The following BCAS3 variants were observed in gnomAD, a reference collection of about 807,000 sequenced individuals.
BCAS3 encodes the protein BCAS4/BCAS3 fusion.
BCAS3 carries 53 observed loss-of-function variants against 116.1 expected under a neutral mutation model. The observed-to-expected ratio is 0.46, with a 90% CI of 0.37 to 0.57. BCAS3 has a LOEUF of 0.57. Ranked by LOEUF, BCAS3 falls within the 20% of genes least tolerant of loss-of-function variation. The pLI is 0.00. For synonymous variants in BCAS3, 391 were observed against 408.2 expected (o/e 0.96, Z 0.51); for missense variants, 917 against 1,165.4 (o/e 0.79, Z 3.10).
intron 14 of BCAS3, among the ~76,000 whole-genome samples, chr17:60,971,496 G>A (rs113630673): frequency 6.6e-5 from 10 of 152,228 alleles, no homozygotes; most frequent in Non-Finnish European, 1.3e-4. Flanking sequence ...TGATGGCTTT[G>A]CATTATTCTA....
intron 6 of BCAS3, among the ~76,000 whole-genome samples, chr17:60,752,548 C>T (rs1236200689): frequency 2.0e-5 from 3 of 151,970 alleles, no homozygotes; most frequent in East Asian, 1.9e-4. Context: ...CTCAGCCTCC[C>T]GAGTAGCTGA....
At chr17:60,907,188 A>G (rs2058234320) in intron 11 of BCAS3, among the ~76,000 whole-genome samples, 1 of 152,196 alleles carries the variant, frequency 6.6e-6, no homozygotes, top group Non-Finnish European at 1.5e-5. Flanking sequence ...TTTTCCAAGT[A>G]ATTTGACTTT....
rs1455655003 is a variant in BCAS3, at chr17:60,791,846, T to G, written c.404-16158T>G. ...GTCATGTTGAAATATGATCCCTGGC[T>G]GGGCGCAGTGGCTCACGCTTGTAAT... is the stretch of plus-strand genomic sequence containing the variant. On this transcript the variant is annotated intron_variant, in intron 6 of 23. Transcript: ENST00000407086. Among the ~76,000 whole-genome samples the G allele has an allele frequency of 2.6e-5, 4 of 152,044 alleles. No individual in the cohort carries two copies. The East Asian group carries it at 7.8e-4, about 29-fold the overall frequency.
At chr17:61,044,143 G>GA (rs548566126) in intron 19 of BCAS3, among the ~76,000 whole-genome samples, 13 of 150,656 alleles carry the variant, frequency 8.6e-5, no homozygotes, top group South Asian at 4.2e-4. Context: ...TTTTTGACCA[G>GA]AAAAAAAAAT....
intron 6 of BCAS3, among the ~76,000 whole-genome samples, chr17:60,775,266 C>A (rs559860982): frequency 6.6e-6 from 1 of 151,980 alleles, no homozygotes; most frequent in Admixed American, 6.6e-5. Context: ...ATAAAAACAC[C>A]AAGGGATTCC....
At chr17:60,925,506 T>G (rs2145163332) in intron 13 of BCAS3, among the ~76,000 whole-genome samples, 1 of 152,354 alleles carries the variant, frequency 6.6e-6, no homozygotes, top group Admixed American at 6.5e-5. Context: ...CTCTACAGTA[T>G]GTCATTTTGA....
intron 3 of BCAS3, among the ~76,000 whole-genome samples, chr17:60,687,478 C>T (rs781160545): frequency 3.3e-5 from 5 of 152,082 alleles, no homozygotes; most frequent in African/African-American, 4.8e-5. Context: ...GTGGTGCACA[C>T]CTGTAGTCCC....
In BCAS3 at chr17:60,894,896, A is replaced by G. The variant is rs78935248; in HGVS notation, c.738+5125A>G. Reference sequence around the variant, plus strand: ...GATTTAGATATGTTGAACCATCCCTATGTCTCTGGAATAAATCCCCCTTGA... The same window carrying G: ...GATTTAGATATGTTGAACCATCCCTGTGTCTCTGGAATAAATCCCCCTTGA... On this transcript the variant is annotated intron_variant, in intron 10 of 23. Coordinates refer to ENST00000407086, the MANE Select transcript of BCAS3 (RefSeq NM_017679.5). Among the ~76,000 whole-genome samples, 398 of 152,080 alleles carry G rather than the reference A, an allele frequency of 2.6e-3. 4 individuals are homozygous for G. The highest frequency in any genetic ancestry group is 0.01 in the Middle Eastern group (3 of 294).
intron 22 of BCAS3, among the ~76,000 whole-genome samples, chr17:61,242,078 A>G (rs2047569937): frequency 1.3e-5 from 2 of 152,094 alleles, no homozygotes; most frequent in African/African-American, 4.8e-5. Context: ...GGAATTCGAA[A>G]CCAGCCTGAC....
intron 6 of BCAS3, among the ~76,000 whole-genome samples, chr17:60,751,785 C>T (rs778959222): frequency 2.6e-5 from 4 of 152,092 alleles, no homozygotes; most frequent in Non-Finnish European, 5.9e-5. Flanking sequence ...TCAGGTGATC[C>T]ACCTGCCTCG....
At chr17:60,861,938 C>T (rs2144856914) in intron 7 of BCAS3, among the ~76,000 whole-genome samples, 1 of 152,186 alleles carries the variant, frequency 6.6e-6, no homozygotes, top group South Asian at 2.1e-4. Context: ...GGGATATTGG[C>T]CTGAAATTTT....
At chr17:60,947,933 C>T (rs2060606264) in intron 14 of BCAS3, among the ~76,000 whole-genome samples, 1 of 151,980 alleles carries the variant, frequency 6.6e-6, no homozygotes, top group Non-Finnish European at 1.5e-5. Flanking sequence ...CAAATCAGGG[C>T]TATTTTTTTC....
At chr17:61,382,803 A>G (rs7219624) in intron 23 of BCAS3, 115,296 of 152,290 alleles carry the variant, frequency 0.76, 48,974 homozygotes, top group Non-Finnish European at 0.93. Flanking sequence ...CCATGAACAG[A>G]AGATCCTCCA....
intron 5 of BCAS3, among the ~76,000 whole-genome samples, chr17:60,723,385 A>G (rs112746412): frequency 0.032 from 4,901 of 151,786 alleles, 252 homozygotes; most frequent in African/African-American, 0.11. Flanking sequence ...CCACCATGCC[A>G]AGGTAATTTT....
At chr17:61,039,173 C>G (rs1364740072) in intron 18 of BCAS3, among the ~76,000 whole-genome samples, 2 of 152,128 alleles carry the variant, frequency 1.3e-5, no homozygotes, top group African/African-American at 4.8e-5. Flanking sequence ...CTACTCTGAT[C>G]ATTTCATGTA....
At chr17:60,826,241 C>T (rs946603159) in intron 7 of BCAS3, among the ~76,000 whole-genome samples, 11 of 151,884 alleles carry the variant, frequency 7.2e-5, no homozygotes, top group South Asian at 4.2e-4. Flanking sequence ...TGGAGCGCAG[C>T]GGTGTAATCT....
At chr17:60,767,134 C>T (rs371421266) in intron 6 of BCAS3, among the ~76,000 whole-genome samples, 12 of 152,278 alleles carry the variant, frequency 7.9e-5, no homozygotes, top group African/African-American at 2.4e-4. Flanking sequence ...AAAAATCCCC[C>T]GACCCTTTGC....
intron 22 of BCAS3, among the ~76,000 whole-genome samples, chr17:61,179,684 T>TA (rs1226312846): frequency 1.3e-5 from 2 of 152,198 alleles, no homozygotes; most frequent in Non-Finnish European, 2.9e-5. Flanking sequence ...ATGGTGGTAT[T>TA]AGTGGCATTT....
intron 2 of BCAS3, among the ~76,000 whole-genome samples, chr17:60,681,620 C>T (rs1401962379): frequency 1.3e-5 from 2 of 149,200 alleles, no homozygotes; most frequent in African/African-American, 4.9e-5. Flanking sequence ...GGCATGATCT[C>T]GGCTCACTGC....
Sources: gnomAD v4.1 joint callset for allele counts (sites outside exome capture counted in the v4.1 genomes callset) on GRCh38, gnomAD v4.1.1 for gene constraint, MANE v1.5 for transcripts, NCBI Gene and HGNC (gene_info 2026-07-23, HGNC 2026-07-21) for gene names.